The following TAOK3 variants were observed in gnomAD, a reference collection of about 807,000 sequenced individuals.
TAOK3 encodes the protein serine/threonine-protein kinase TAO3.
In TAOK3, 40 loss-of-function variants were observed where a neutral mutation model predicts 120.4. The ratio of observed to expected loss-of-function variants is 0.33; its 90% CI spans 0.26 to 0.43. The LOEUF (loss-of-function observed/expected upper bound fraction) is 0.43. Among genes scored for constraint, TAOK3 ranks in the 20% least tolerant of loss-of-function variants. TAOK3 has a pLI of 1.00. For synonymous variants in TAOK3, 355 were observed against 387.5 expected (o/e 0.92, Z 0.99); for missense variants, 821 against 1,112.1 (o/e 0.74, Z 3.72).
rs543821375 is a variant in TAOK3 at position 118,197,047 on chromosome 12, G to T, written c.1194+2004C>A. Among the ~76,000 whole-genome samples the T allele has an allele frequency of 2.2e-4, 34 of 152,212 alleles. No homozygotes were observed. In the South Asian group the frequency reaches 7.0e-3, roughly 32 times the overall value. On this transcript the variant is annotated intron_variant, in intron 13 of 20. Transcript: ENST00000392533. ...GTAAACCATCCAATACAAACTTCAT[G>T]AATAATTTTTATTTCTATTGTTTTT...
At chr12:118,152,630 G>A (rs2034532605) in intron 19 of TAOK3, 2 of 496,236 alleles carry the variant, frequency 4.0e-6, no homozygotes, top group Non-Finnish European at 7.2e-6. Flanking sequence ...AGTATGATCT[G>A]AAACCACAGC....
chr12:118,226,724 T>G (rs1205532702), intron 9 of TAOK3, among the ~76,000 whole-genome samples: 1 of 152,172 alleles, frequency 6.6e-6, no homozygotes, highest in African/African-American at 2.4e-5. Flanking sequence ...AGAAGGCTAC[T>G]TTGTCCTTTA....
intron 1 of TAOK3, among the ~76,000 whole-genome samples, chr12:118,297,463 C>A (rs2042726150): frequency 6.6e-6 from 1 of 152,178 alleles, no homozygotes; most frequent in Non-Finnish European, 1.5e-5. Flanking sequence ...CCTTTACTTG[C>A]AGATTTCTGT....
At chr12:118,179,947 G>GTTTT (rs34157387) in intron 15 of TAOK3, among the ~76,000 whole-genome samples, 7 of 118,174 alleles carry the variant, frequency 5.9e-5, no homozygotes, top group Admixed American at 4.4e-4. Flanking sequence ...TGCCTGGCTG[G>GTTTT]TTTTTTTTTT....
chr12:118,160,080 G>C lies in TAOK3; in HGVS notation c.2352+66C>G. On this transcript the variant is annotated intron_variant, in intron 19 of 20. Coordinates refer to ENST00000392533, the MANE Select transcript of TAOK3 (RefSeq NM_016281.4). This position sits in a 1 kb window ranked among gnomAD's most constrained non-coding sequence, Gnocchi z 4.2. The stretch of plus-strand genomic sequence containing the variant: ...GCAAGAATCATCTTGGGAACAACAG[G>C]CTGGATCTTGGATTTTCTTGATTCC... 7.8e-7 allele frequency: 1 copy of C among 1,288,202 alleles called. No individual in the cohort carries two copies. Among genetic ancestry groups the C allele is most frequent in the Non-Finnish European group, 1.1e-6 (1 of 886,302 alleles). The allele number at this position is 1,288,202 out of a possible 1,614,324, so 79.8% of individuals were successfully genotyped here. A position where few individuals can be genotyped will look rare whatever the true frequency, so the allele number is the denominator to read the frequency against.
At chr12:118,298,571 G>A (rs990773535) in intron 1 of TAOK3, among the ~76,000 whole-genome samples, 23 of 152,132 alleles carry the variant, frequency 1.5e-4, no homozygotes, top group African/African-American at 5.6e-4. Context: ...AAAAATTTCT[G>A]TGACAGCATT....
chr12:118,206,324 C>T lies in TAOK3; in HGVS notation c.820-4861G>A, dbSNP rs545187325. On this transcript the variant is annotated intron_variant, in intron 11 of 20. Transcript: ENST00000392533. ...TTCCAATGTCCTGGACTTCCTATTACATGAGATAAACTCTTACCTGTTTAA... is the reference window on the plus strand; with the variant it reads ...TTCCAATGTCCTGGACTTCCTATTATATGAGATAAACTCTTACCTGTTTAA... Among the ~76,000 whole-genome samples the T allele has an allele frequency of 3.3e-5, 5 of 152,356 alleles. No homozygotes were observed. The South Asian group carries it at 1.0e-3, about 32-fold the overall frequency.
At chr12:118,329,968 T>C (rs2044076077) in intron 1 of TAOK3, among the ~76,000 whole-genome samples, 1 of 152,162 alleles carries the variant, frequency 6.6e-6, no homozygotes, top group Non-Finnish European at 1.5e-5. Context: ...ATACCATCAA[T>C]CTTTCCATTC....
At chr12:118,173,942 T>TC (rs1331709457) in intron 16 of TAOK3, among the ~76,000 whole-genome samples, 7 of 152,238 alleles carry the variant, frequency 4.6e-5, no homozygotes, top group African/African-American at 1.7e-4. Flanking sequence ...ACTATCCTGT[T>TC]CCAGTGAAGC....
At chr12:118,327,125 A>G (rs1329456745) in intron 1 of TAOK3, among the ~76,000 whole-genome samples, 1 of 152,216 alleles carries the variant, frequency 6.6e-6, no homozygotes, top group East Asian at 1.9e-4. Flanking sequence ...GTGATAAAAA[A>G]TAAGCAAGGA....
chr12:118,208,556 G>C (rs1437166743), intron 11 of TAOK3, among the ~76,000 whole-genome samples: 1 of 152,054 alleles, frequency 6.6e-6, no homozygotes, highest in Non-Finnish European at 1.5e-5. Context: ...AGTTTTCACT[G>C]ATCTGACAAA....
At chr12:118,325,380 C>A (rs1482781839) in intron 1 of TAOK3, among the ~76,000 whole-genome samples, 3 of 152,152 alleles carry the variant, frequency 2.0e-5, no homozygotes, top group African/African-American at 7.2e-5. Flanking sequence ...TTCTTGCCAG[C>A]ATTCATTATT....
chr12:118,317,298 ATTTT>A (rs950745966), intron 1 of TAOK3, among the ~76,000 whole-genome samples: 1 of 126,054 alleles, frequency 7.9e-6, no homozygotes, highest in African/African-American at 3.1e-5. Flanking sequence ...CGCTGGGAGA[ATTTT>A]TTTTTTTTTT....
At chr12:118,311,677 C>T (rs2043269120) in intron 1 of TAOK3, among the ~76,000 whole-genome samples, 1 of 151,354 alleles carries the variant, frequency 6.6e-6, no homozygotes. Context: ...AAAAACCAAA[C>T]AAAACTAAGA....
chr12:118,217,653 C>T (rs2038973320), intron 9 of TAOK3, among the ~76,000 whole-genome samples: 1 of 150,574 alleles, frequency 6.6e-6, no homozygotes, highest in African/African-American at 2.4e-5. Flanking sequence ...CACTGCACTC[C>T]AGCCTGAGTG....
At chr12:118,308,042 T>C (rs943205857) in intron 1 of TAOK3, among the ~76,000 whole-genome samples, 2 of 152,026 alleles carry the variant, frequency 1.3e-5, no homozygotes, top group Non-Finnish European at 2.9e-5. Context: ...TAAGGCATTC[T>C]AAGTCACAGG....
intron 13 of TAOK3, among the ~76,000 whole-genome samples, chr12:118,196,531 A>C (rs189656529): frequency 8.8e-4 from 134 of 152,310 alleles, no homozygotes; most frequent in African/African-American, 3.0e-3. Flanking sequence ...AATTAAAAAA[A>C]GAAAAGAAAA....
intron 1 of TAOK3, among the ~76,000 whole-genome samples, chr12:118,340,498 A>G (rs2044569105): frequency 6.6e-6 from 1 of 152,194 alleles, no homozygotes; most frequent in African/African-American, 2.4e-5. Context: ...ATTGTAGGTA[A>G]TGCTTTTATG....
At chr12:118,250,876 A>T (rs1402315564) in intron 3 of TAOK3, among the ~76,000 whole-genome samples, 1 of 152,202 alleles carries the variant, frequency 6.6e-6, no homozygotes, top group Non-Finnish European at 1.5e-5. Context: ...AATGATGAAC[A>T]GGAGTTAAGA....
Sources: gnomAD v4.1 joint callset for allele counts (sites outside exome capture counted in the v4.1 genomes callset) on GRCh38, gnomAD v4.1.1 for gene constraint, Gnocchi (gnomAD v3.1) non-coding constraint, MANE v1.5 for transcripts, NCBI Gene and HGNC (gene_info 2026-07-23, HGNC 2026-07-21) for gene names.